AGAP1: variants seen among roughly 807,000 people sequenced by gnomAD.
The protein encoded by AGAP1 is ArfGAP with GTPase domain, ankyrin repeat and PH domain 1, also known as arf-GAP with GTPase, ANK repeat and PH domain-containing protein 1.
Under a neutral mutation model 105.3 loss-of-function variants are expected in AGAP1, and 29 were observed. The ratio of observed to expected loss-of-function variants is 0.28; its 90% CI spans 0.21 to 0.38. AGAP1 has a LOEUF of 0.38. Among genes scored for constraint, AGAP1 ranks in the 10% least tolerant of loss-of-function variants. The pLI is 1.00. For synonymous variants in AGAP1, 509 were observed against 485.9 expected (o/e 1.05, Z -0.63); for missense variants, 998 against 1,165.1 (o/e 0.86, Z 2.09).
intron 9 of AGAP1, among the ~76,000 whole-genome samples, chr2:235,833,542 G>GC (rs1959718221): frequency 6.9e-6 from 1 of 145,442 alleles, no homozygotes; most frequent in African/African-American, 2.6e-5. Flanking sequence ...TCATCACCCC[G>GC]CCCCCTCCTC....
rs1312667983 is a variant in AGAP1, at chr2:235,550,022, G to A, written c.163+55173G>A. 6.6e-6 allele frequency among the ~76,000 whole-genome samples: 1 copy of A among 152,210 alleles called. No individual in the cohort carries two copies. Among genetic ancestry groups the A allele is most frequent in the Non-Finnish European group, 1.5e-5 (1 of 68,044 alleles). On this transcript the variant is annotated intron_variant, in intron 1 of 17. Coordinates refer to ENST00000304032, the MANE Select transcript of AGAP1 (RefSeq NM_001037131.3). This position sits in a 1 kb window ranked among gnomAD's most constrained non-coding sequence, Gnocchi z 4.6. Reference sequence around the variant, plus strand: ...ACATAACTCTTTGGTGTCTGCAGCTGTATAATATGATGGATGTCCTTGTAT... The same window carrying A: ...ACATAACTCTTTGGTGTCTGCAGCTATATAATATGATGGATGTCCTTGTAT...
At position 235,737,374 on chromosome 2, in the gene AGAP1, T is replaced by C. The variant is rs1169439541; in HGVS notation, c.311-3589T>C. The stretch of plus-strand genomic sequence containing the variant: ...TTATACTCTGTATCTGCCGGGGGAA[T>C]GTAAACTGACTTTAGGATTCGAAGA... On this transcript the variant is annotated intron_variant, in intron 3 of 17. Transcript: ENST00000304032. The surrounding 1 kb of genome is among the most constrained non-coding windows in gnomAD (Gnocchi z 4.5). 6.6e-6 allele frequency among the ~76,000 whole-genome samples: 1 copy of C among 152,232 alleles called. No individual in the cohort carries two copies.
At chr2:235,802,831 ATGATGGTTATGGTTGTGATGATGG>A in intron 8 of AGAP1, among the ~76,000 whole-genome samples, 1 of 83,342 alleles carries the variant, frequency 1.2e-5, no homozygotes, top group Non-Finnish European at 2.5e-5. Flanking sequence ...TGTGGTTGTG[ATGATGGTTATGGTTGTGATGATGG>A]TTGTGATGGT....
intron 1 of AGAP1, among the ~76,000 whole-genome samples, chr2:235,503,289 G>T (rs1258059764): frequency 1.3e-5 from 2 of 152,202 alleles, no homozygotes; most frequent in African/African-American, 4.8e-5. Flanking sequence ...TATTTTCCAG[G>T]GAGGGCGTTT....
chr2:235,669,826 C>T (rs1424972935), intron 1 of AGAP1: 1 of 148,014 alleles, frequency 6.8e-6, no homozygotes, highest in Non-Finnish European at 1.5e-5. Context: ...GCGGCCGCAC[C>T]TGCCGGCGAG....
At position 235,660,832 on chromosome 2, in the gene AGAP1, C is replaced by T. The variant is rs370029912; in HGVS notation, c.164-48347C>T. ...CGCAGCTACCGTATTGTTCTTGTCCCGTTTTTGCAGAAATGAAAACCTGAT... is the reference window on the plus strand; with the variant it reads ...CGCAGCTACCGTATTGTTCTTGTCCTGTTTTTGCAGAAATGAAAACCTGAT... On this transcript the variant is annotated intron_variant, in intron 1 of 17. Coordinates refer to ENST00000304032, the MANE Select transcript of AGAP1 (RefSeq NM_001037131.3). This position sits in a 1 kb window ranked among gnomAD's most constrained non-coding sequence, Gnocchi z 5.3. 2.6e-5 allele frequency among the ~76,000 whole-genome samples: 4 copies of T among 152,284 alleles called. No homozygotes were observed. Among genetic ancestry groups the T allele is most frequent in the East Asian group, 3.9e-4 (2 of 5,180 alleles).
chr2:236,099,069 G>A (rs553148489), intron 16 of AGAP1, among the ~76,000 whole-genome samples: 1 of 152,212 alleles, frequency 6.6e-6, no homozygotes, highest in African/African-American at 2.4e-5. Context: ...GTAGGCTGCT[G>A]GGCAAGGACT....
intron 10 of AGAP1, among the ~76,000 whole-genome samples, chr2:235,902,581 A>G (rs1043287481): frequency 7.2e-5 from 11 of 152,248 alleles, no homozygotes; most frequent in Non-Finnish European, 1.2e-4. Context: ...ATCTTGTCAG[A>G]AAAGTTGCTA....
At chr2:235,528,366 C>T (rs1198711092) in intron 1 of AGAP1, among the ~76,000 whole-genome samples, 1 of 149,316 alleles carries the variant, frequency 6.7e-6, no homozygotes, top group Non-Finnish European at 1.5e-5. Context: ...CCTCCCCCGC[C>T]CCCTCCCCTC....
chr2:236,006,388 C>T (rs761511498), intron 13 of AGAP1, among the ~76,000 whole-genome samples: 40 of 152,300 alleles, frequency 2.6e-4, no homozygotes, highest in Admixed American at 1.4e-3. Flanking sequence ...TAGGCGTGCT[C>T]GTTGCTTCTG....
At chr2:235,746,596 C>T (rs1454242951) in intron 5 of AGAP1, among the ~76,000 whole-genome samples, 1 of 151,822 alleles carries the variant, frequency 6.6e-6, no homozygotes, top group South Asian at 2.1e-4. Flanking sequence ...TTTGAGGTGG[C>T]ATCTTGAAAA....
intron 1 of AGAP1, among the ~76,000 whole-genome samples, chr2:235,636,636 C>T (rs1434344296): frequency 6.6e-6 from 1 of 152,198 alleles, no homozygotes; most frequent in Non-Finnish European, 1.5e-5. Context: ...GGGCTAGACT[C>T]ACTGTTCCAG....
At chr2:235,515,212 AT>A (rs1305739824) in intron 1 of AGAP1, among the ~76,000 whole-genome samples, 19 of 152,122 alleles carry the variant, frequency 1.2e-4, no homozygotes. Flanking sequence ...GCAGACATGG[AT>A]TTTATTCGAA....
chr2:235,794,484 A>T (rs1015341274), intron 6 of AGAP1, among the ~76,000 whole-genome samples: 4 of 151,906 alleles, frequency 2.6e-5, no homozygotes, highest in Non-Finnish European at 5.9e-5. Context: ...ATTAAATTTA[A>T]TTTTTTTGCG....
rs1240887729 is a variant in AGAP1 at position 236,096,281 on chromosome 2, C to T, written c.2115-23911C>T. Among the ~76,000 whole-genome samples, 1 of 152,038 alleles carries T rather than the reference C, an allele frequency of 6.6e-6. No homozygotes were observed. Among genetic ancestry groups the T allele is most frequent in the Non-Finnish European group, 1.5e-5 (1 of 68,006 alleles). ...TTCGGGAGGCCAAGGCGGGGGAATC[C>T]CTGAGGTTAGAAGTTCGAGACCAGC... On this transcript the variant is annotated intron_variant, in intron 16 of 17. Coordinates refer to ENST00000304032, the MANE Select transcript of AGAP1 (RefSeq NM_001037131.3). This position sits in a 1 kb window ranked among gnomAD's most constrained non-coding sequence, Gnocchi z 4.4.
chr2:235,540,168 T>TTTTTTTTTTA (rs1943388604), intron 1 of AGAP1, among the ~76,000 whole-genome samples: 1 of 148,718 alleles, frequency 6.7e-6, no homozygotes, highest in African/African-American at 2.5e-5. Context: ...TTTTTTTTTT[T>TTTTTTTTTTA]GAGACAGAGT....
chr2:235,958,814 T>C lies in AGAP1; in HGVS notation c.1484-9648T>C, dbSNP rs905757415. Among the ~76,000 whole-genome samples the C allele has an allele frequency of 2.6e-5, 4 of 152,218 alleles. No individual in the cohort carries two copies. Among genetic ancestry groups the C allele is most frequent in the Admixed American group, 6.5e-5 (1 of 15,282 alleles). On this transcript the variant is annotated intron_variant, in intron 12 of 17. Coordinates refer to ENST00000304032, the MANE Select transcript of AGAP1 (RefSeq NM_001037131.3). The surrounding 1 kb of genome is among the most constrained non-coding windows in gnomAD (Gnocchi z 4.1). ...TGATATTTATGCGGACGGAATGTTA[T>C]TTTATTCCCCCTCTAGTCATGCTTG... is the stretch of plus-strand genomic sequence containing the variant.
chr2:235,770,988 G>A (rs1955398660), intron 6 of AGAP1, among the ~76,000 whole-genome samples: 1 of 152,202 alleles, frequency 6.6e-6, no homozygotes, highest in African/African-American at 2.4e-5. Context: ...TTATAATAGG[G>A]AGGGAGAAGG....
Position 235,754,426 on chromosome 2 carries a change from TAAAA to T in AGAP1, c.673+3951_673+3954del, listed in dbSNP as rs71400783. Reference sequence around the variant, plus strand: ...TTCTACATAATGTTTGGCTTGTAAATAAAAAAAAAAAAAAAATCCAGCTGCTTCC... The same window carrying T: ...TTCTACATAATGTTTGGCTTGTAAATAAAAAAAAAAAATCCAGCTGCTTCC... On this transcript the variant is annotated intron_variant, in intron 6 of 17. Transcript: ENST00000304032. The surrounding 1 kb of genome is among the most constrained non-coding windows in gnomAD (Gnocchi z 4.6). Among the ~76,000 whole-genome samples the T allele has an allele frequency of 7.3e-6, 1 of 136,668 alleles. No individual in the cohort carries two copies. The highest frequency in any genetic ancestry group is 1.6e-5 in the Non-Finnish European group (1 of 62,482). 89.7% of individuals were successfully genotyped at this position (136,668 alleles called of 152,430 possible).
Sources: gnomAD v4.1 joint callset for allele counts (sites outside exome capture counted in the v4.1 genomes callset) on GRCh38, gnomAD v4.1.1 for gene constraint, Gnocchi (gnomAD v3.1) non-coding constraint, MANE v1.5 for transcripts, NCBI Gene and HGNC (gene_info 2026-07-23, HGNC 2026-07-21) for gene names.